Variants in DPYD observed in about 807,000 individuals in gnomAD.
DPYD encodes dihydropyrimidine dehydrogenase, also known as dihydropyrimidine dehydrogenase [NADP(+)].
In DPYD, 109 loss-of-function variants were observed where a neutral mutation model predicts 116.2. The ratio of observed to expected loss-of-function variants is 0.94; its 90% CI spans 0.80 to 1.10. DPYD has a LOEUF of 1.10. DPYD is among the 50% of genes least tolerant of loss of function. The probability of loss-of-function intolerance (pLI) is 0.00; values close to 1 mark genes in which losing one functional copy is unlikely to be tolerated. For missense variants in DPYD, 1,302 were observed against 1,254.5 expected, an observed-to-expected ratio of 1.04 and a Z score of -0.57; for synonymous variants, 440 against 432.0, an observed-to-expected ratio of 1.02 and a Z score of -0.23.
intron 14 of DPYD, among the ~76,000 whole-genome samples, chr1:97,445,802 T>C (rs967566427): frequency 1.3e-5 from 2 of 150,918 alleles, no homozygotes; most frequent in African/African-American, 4.9e-5. Context: ...CTCGGCTCAC[T>C]GCAACCTCTG....
intron 8 of DPYD, among the ~76,000 whole-genome samples, chr1:97,603,978 C>G (rs775653693): frequency 1.3e-5 from 2 of 152,062 alleles, no homozygotes; most frequent in Admixed American, 6.6e-5. Flanking sequence ...AGCTAAGAAT[C>G]GTTCTGAATT....
chr1:97,761,042 G>T (rs532283140), intron 3 of DPYD, among the ~76,000 whole-genome samples: 6 of 152,042 alleles, frequency 3.9e-5, no homozygotes, highest in Non-Finnish European at 8.8e-5. Context: ...GCCACCCCTC[G>T]TGTGGTTTCC....
chr1:97,406,591 C>T (rs1247441467), intron 14 of DPYD, among the ~76,000 whole-genome samples: 2 of 148,308 alleles, frequency 1.3e-5, no homozygotes, highest in African/African-American at 5.0e-5. Flanking sequence ...TGTGATGTTC[C>T]CCTCCCTGTG....
chr1:97,789,117 CCTT>C (rs1667189550), intron 3 of DPYD, among the ~76,000 whole-genome samples: 1 of 152,116 alleles, frequency 6.6e-6, no homozygotes, highest in African/African-American at 2.4e-5. Flanking sequence ...CTGAATAAAA[CCTT>C]AACCCAAGAA....
intron 20 of DPYD, among the ~76,000 whole-genome samples, chr1:97,109,390 C>T (rs1651425292): frequency 6.6e-6 from 1 of 151,976 alleles, no homozygotes; most frequent in Non-Finnish European, 1.5e-5. Flanking sequence ...TTTTGAAACC[C>T]ACCTTCAAAA....
At chr1:97,304,879 A>G (rs1473298571) in intron 18 of DPYD, among the ~76,000 whole-genome samples, 1 of 151,994 alleles carries the variant, frequency 6.6e-6, no homozygotes, top group Non-Finnish European at 1.5e-5. Context: ...AGATGTCTAA[A>G]TTCTAGGAAG....
chr1:97,640,175 C>T (rs1412229182), intron 8 of DPYD, among the ~76,000 whole-genome samples: 1 of 151,992 alleles, frequency 6.6e-6, no homozygotes, highest in East Asian at 1.9e-4. Context: ...ACAAATTCTT[C>T]GATTTGTTTT....
chr1:97,768,177 C>A (rs988763110), intron 3 of DPYD, among the ~76,000 whole-genome samples: 2 of 152,076 alleles, frequency 1.3e-5, no homozygotes, highest in East Asian at 1.9e-4. Context: ...CTTGAGCAAG[C>A]AGCCCAAATA....
intron 8 of DPYD, among the ~76,000 whole-genome samples, chr1:97,665,997 C>A (rs1391007261): frequency 6.6e-6 from 1 of 152,120 alleles, no homozygotes; most frequent in Non-Finnish European, 1.5e-5. Flanking sequence ...AAGTCCTAGC[C>A]TAGAGGCTAA....
intron 3 of DPYD, among the ~76,000 whole-genome samples, chr1:97,766,502 C>T (rs540743520): frequency 2.0e-5 from 3 of 152,066 alleles, no homozygotes; most frequent in South Asian, 2.1e-4. Flanking sequence ...TATAGTCTTC[C>T]CATTTGGCAA....
intron 3 of DPYD, among the ~76,000 whole-genome samples, chr1:97,752,317 CACACACAT>C (rs1184990847): frequency 2.0e-5 from 3 of 147,528 alleles, no homozygotes; most frequent in South Asian, 4.3e-4. Context: ...CACACACACA[CACACACAT>C]ACACACATAC....
rs566643397 is a variant in DPYD, at chr1:97,168,934, C to T, written c.2622+24135G>A. The stretch of plus-strand genomic sequence containing the variant: ...TGATCGCAGCTCACTGCAACCTCCA[C>T]CTCACAGGTTCAAGCAATTCTCCTG... On this transcript the variant is annotated intron_variant, in intron 20 of 22. Coordinates refer to ENST00000370192, the MANE Select transcript of DPYD (RefSeq NM_000110.4). Among the ~76,000 whole-genome samples, 94 of 151,864 alleles carry T rather than the reference C, an allele frequency of 6.2e-4. 1 individual carries two copies. Among genetic ancestry groups the T allele is most frequent in the South Asian group, 6.2e-4 (3 of 4,802 alleles).
At chr1:97,809,316 G>T (rs556678740) in intron 3 of DPYD, among the ~76,000 whole-genome samples, 1 of 152,194 alleles carries the variant, frequency 6.6e-6, no homozygotes, top group South Asian at 2.1e-4. Context: ...TACACACACA[G>T]ACACGTGATT....
rs913493850 is a variant in DPYD, at chr1:97,295,690, C to T, written c.2299+9569G>A. ...AAGCAATCTGCCCGCCGCAGCTTCCCGAAGTGCTGGGATTCCATGTGTGAG... is the reference window on the plus strand; with the variant it reads ...AAGCAATCTGCCCGCCGCAGCTTCCTGAAGTGCTGGGATTCCATGTGTGAG... On this transcript the variant is annotated intron_variant, in intron 18 of 22. Transcript: ENST00000370192. 1.8e-5 allele frequency: 16 copies of T among 885,588 alleles called. No homozygotes were observed. In the African/African-American group the frequency reaches 2.7e-4, roughly 15 times the overall value. 54.9% of individuals were successfully genotyped at this position (885,588 alleles called of 1,614,324 possible).
chr1:97,129,368 G>C (rs927494450), intron 20 of DPYD, among the ~76,000 whole-genome samples: 1 of 152,022 alleles, frequency 6.6e-6, no homozygotes, highest in African/African-American at 2.4e-5. Flanking sequence ...ACCCGGTCCT[G>C]CTGTATTCTT....
At chr1:97,655,684 G>A (rs1658863698) in intron 8 of DPYD, among the ~76,000 whole-genome samples, 1 of 152,152 alleles carries the variant, frequency 6.6e-6, no homozygotes, top group Non-Finnish European at 1.5e-5. Context: ...AGAATAACAA[G>A]CATAGGAATA....
chr1:97,690,836 C>T (rs148030240), intron 7 of DPYD, among the ~76,000 whole-genome samples: 36 of 152,026 alleles, frequency 2.4e-4, no homozygotes, highest in African/African-American at 8.2e-4. Flanking sequence ...TTTCATCACC[C>T]GGCCACTGTC....
At chr1:97,668,382 T>C (rs1208405184) in intron 8 of DPYD, among the ~76,000 whole-genome samples, 2 of 152,112 alleles carry the variant, frequency 1.3e-5, no homozygotes, top group Non-Finnish European at 2.9e-5. Context: ...AATAGAGATA[T>C]GAATAATACC....
intron 14 of DPYD, among the ~76,000 whole-genome samples, chr1:97,431,896 C>T (rs986660237): frequency 6.6e-6 from 1 of 152,090 alleles, no homozygotes; most frequent in Non-Finnish European, 1.5e-5. Flanking sequence ...TGGTAATCGC[C>T]ATTCTACACT....
Sources: gnomAD v4.1 joint callset for allele counts (sites outside exome capture counted in the v4.1 genomes callset) on GRCh38, gnomAD v4.1.1 for gene constraint, MANE v1.5 for transcripts, NCBI Gene and HGNC (gene_info 2026-07-23, HGNC 2026-07-21) for gene names.